EPHA6: variants seen among roughly 807,000 people sequenced by gnomAD.
EPHA6 encodes the protein EPH receptor A6, also known as ephrin type-A receptor 6.
In EPHA6, 50 loss-of-function variants were observed where a neutral mutation model predicts 112.0. That is an observed-to-expected ratio of 0.45 (90% CI 0.36 to 0.56). The LOEUF (loss-of-function observed/expected upper bound fraction) is 0.56, where lower values mean the gene tolerates loss of function less well. Among genes scored for constraint, EPHA6 ranks in the 20% least tolerant of loss-of-function variants. The pLI is 0.00. For missense variants in EPHA6, 1,280 were observed against 1,417.4 expected (o/e 0.90, Z 1.56); for synonymous variants, 529 against 490.7 (o/e 1.08, Z -1.03).
intron 6 of EPHA6, among the ~76,000 whole-genome samples, chr3:97,438,040 A>C (rs780578197): frequency 6.6e-6 from 1 of 152,200 alleles, no homozygotes; most frequent in Non-Finnish European, 1.5e-5. Flanking sequence ...TTGTTGTTTG[A>C]CTATAATATA....
rs183819852 is a variant in EPHA6 at position 96,862,717 on chromosome 3, A to G, written c.386-4108A>G. 3.6e-3 allele frequency among the ~76,000 whole-genome samples: 551 copies of G among 152,060 alleles called. 8 individuals are homozygous for G. The highest frequency in any genetic ancestry group is 0.013 in the African/African-American group (522 of 41,566). The stretch of plus-strand genomic sequence containing the variant: ...AATTGTTTTTAAACTAATACCTTTT[A>G]GATTTACTGAAATGATGTAGATAAA... On this transcript the variant is annotated intron_variant, in intron 1 of 17. Coordinates refer to ENST00000389672, the MANE Select transcript of EPHA6 (RefSeq NM_001080448.3).
At chr3:97,215,016 C>G (rs2077992321) in intron 3 of EPHA6, among the ~76,000 whole-genome samples, 1 of 152,166 alleles carries the variant, frequency 6.6e-6, no homozygotes, top group South Asian at 2.1e-4. Flanking sequence ...ATATATTTTA[C>G]TGATAAGTCA....
chr3:97,192,353 G>A (rs946436672), intron 3 of EPHA6, among the ~76,000 whole-genome samples: 2 of 152,004 alleles, frequency 1.3e-5, no homozygotes, highest in Admixed American at 6.6e-5. Context: ...GGCTGGTCTC[G>A]AACTCCTGGC....
At chr3:96,975,780 G>A (rs191026830) in intron 2 of EPHA6, among the ~76,000 whole-genome samples, 10 of 152,182 alleles carry the variant, frequency 6.6e-5, no homozygotes, top group Middle Eastern at 3.4e-3. Context: ...CTCACAAAAT[G>A]ACCATAGACA....
intron 9 of EPHA6, among the ~76,000 whole-genome samples, chr3:97,480,668 C>T (rs1287802589): frequency 6.6e-6 from 1 of 152,236 alleles, no homozygotes; most frequent in East Asian, 1.9e-4. Flanking sequence ...ATCTCTCTTT[C>T]TTTTCCCCAC....
chr3:97,287,370 CTT>C (rs1184823150), intron 5 of EPHA6, among the ~76,000 whole-genome samples: 8 of 152,072 alleles, frequency 5.3e-5, no homozygotes, highest in Non-Finnish European at 1.5e-5. Flanking sequence ...AAAAAAAACT[CTT>C]AACAATGGCG....
chr3:97,437,948 T>G (rs2089937992), intron 6 of EPHA6, among the ~76,000 whole-genome samples: 1 of 152,204 alleles, frequency 6.6e-6, no homozygotes, highest in African/African-American at 2.4e-5. Context: ...TCTATCCGTA[T>G]ATTGTTATTA....
chr3:96,899,941 A>T (rs1054761674), intron 2 of EPHA6, among the ~76,000 whole-genome samples: 4 of 152,168 alleles, frequency 2.6e-5, no homozygotes, highest in African/African-American at 9.7e-5. Flanking sequence ...GAAGTGATGA[A>T]AACATGTAAT....
chr3:97,286,960 T>C (rs1412043810), intron 5 of EPHA6, among the ~76,000 whole-genome samples: 2 of 152,040 alleles, frequency 1.3e-5, no homozygotes, highest in Admixed American at 1.3e-4. Context: ...TTCACATTCT[T>C]GATTAAATTT....
chr3:97,078,426 T>C (rs1309459563), intron 3 of EPHA6, among the ~76,000 whole-genome samples: 3 of 152,206 alleles, frequency 2.0e-5, no homozygotes, highest in Admixed American at 6.5e-5. Context: ...ATTTTGGCTT[T>C]TGTTGCCATT....
chr3:97,114,475 G>GAACACCTGGTTATATAATTATAT (rs1360259445), intron 3 of EPHA6, among the ~76,000 whole-genome samples: 49 of 151,958 alleles, frequency 3.2e-4, no homozygotes, highest in Non-Finnish European at 5.7e-4. Context: ...CCGCACTCAA[G>GAACACCTGGTTATATAATTATAT]AACACCTGGT....
chr3:97,489,858 T>C (rs2091794998), intron 10 of EPHA6, among the ~76,000 whole-genome samples: 1 of 152,166 alleles, frequency 6.6e-6, no homozygotes, highest in African/African-American at 2.4e-5. Flanking sequence ...AATTTATTCT[T>C]GGTACATCTA....
intron 1 of EPHA6, among the ~76,000 whole-genome samples, chr3:96,847,887 T>G (rs1362453960): frequency 6.6e-6 from 1 of 152,060 alleles, no homozygotes; most frequent in Non-Finnish European, 1.5e-5. Flanking sequence ...ATCAGTAGCT[T>G]ATTAGATAGT....
intron 15 of EPHA6, among the ~76,000 whole-genome samples, chr3:97,724,411 A>G (rs1187268615): frequency 6.6e-6 from 1 of 152,158 alleles, no homozygotes; most frequent in Admixed American, 6.6e-5. Flanking sequence ...GCCATTCAGC[A>G]GTTAAGCATG....
intron 11 of EPHA6, among the ~76,000 whole-genome samples, chr3:97,571,457 T>C (rs1044381609): frequency 6.6e-6 from 1 of 152,220 alleles, no homozygotes; most frequent in Non-Finnish European, 1.5e-5. Flanking sequence ...ATTTAAGTGC[T>C]AATTGATAGA....
chr3:97,464,293 G>A (rs2090985169), intron 7 of EPHA6, among the ~76,000 whole-genome samples: 1 of 152,040 alleles, frequency 6.6e-6, no homozygotes, highest in African/African-American at 2.4e-5. Flanking sequence ...CTCCTGCCCT[G>A]TGGGTGGAGG....
intron 3 of EPHA6, among the ~76,000 whole-genome samples, chr3:97,143,384 T>C (rs1368924986): frequency 6.6e-6 from 1 of 151,786 alleles, no homozygotes; most frequent in East Asian, 1.9e-4. Flanking sequence ...TTAGAAACCA[T>C]GTGATAACTT....
intron 3 of EPHA6, among the ~76,000 whole-genome samples, chr3:96,995,084 AG>A (rs2043371065): frequency 6.6e-6 from 1 of 152,024 alleles, no homozygotes; most frequent in South Asian, 2.1e-4. Flanking sequence ...TGGGATATAC[AG>A]GGCCTTTAGT....
At chr3:97,436,949 C>T (rs2089876117) in intron 6 of EPHA6, among the ~76,000 whole-genome samples, 1 of 152,042 alleles carries the variant, frequency 6.6e-6, no homozygotes, top group African/African-American at 2.4e-5. Context: ...ACAACAAGTG[C>T]ATTCAACCCG....
Sources: allele counts gnomAD v4.1 joint callset (sites outside exome capture counted in the v4.1 genomes callset), GRCh38; gene constraint gnomAD v4.1.1; transcripts MANE v1.5; gene names NCBI Gene and HGNC (gene_info 2026-07-23, HGNC 2026-07-21).